Variants in KLC1 observed in about 807,000 individuals in gnomAD.
KLC1 encodes kinesin light chain 1, also known as kinesin 2 60/70kDa.
A neutral mutation model predicts 84.2 loss-of-function variants in KLC1; 30 were observed. The observed-to-expected ratio is 0.36, with a 90% CI of 0.27 to 0.48. The LOEUF is 0.48. KLC1 is among the 20% of genes least tolerant of loss of function. The probability of loss-of-function intolerance (pLI) is 0.99; values close to 1 mark genes in which losing one functional copy is unlikely to be tolerated. For synonymous variants in KLC1, 289 were observed against 293.3 expected, an observed-to-expected ratio of 0.99 and a Z score of 0.15; for missense variants, 499 against 805.4, an observed-to-expected ratio of 0.62 and a Z score of 4.60.
chr14:103,701,275 G>A lies in KLC1; in HGVS notation c.*76G>A, dbSNP rs2083178760. On this transcript the variant is annotated 3_prime_UTR_variant, in exon 17 of 17. Transcript: ENST00000334553. Reference sequence around the variant, plus strand: ...GAGCTGGCCCGGGACAGCCAGGGCGGCAGGGAGGGCCCCTGGCCGGGAGCC... The same window carrying A: ...GAGCTGGCCCGGGACAGCCAGGGCGACAGGGAGGGCCCCTGGCCGGGAGCC... 1 of 1,495,768 alleles carries A rather than the reference G, an allele frequency of 6.7e-7. No homozygotes were observed. The highest frequency in any genetic ancestry group is 1.4e-5 in the African/African-American group (1 of 72,210). The allele number at this position is 1,495,768 out of a possible 1,614,324, so 92.7% of individuals were successfully genotyped here. A position where few individuals can be genotyped will look rare whatever the true frequency, so the allele number is the denominator to read the frequency against.
In KLC1 at chr14:103,651,158, C is replaced by T. The variant is rs188768000; in HGVS notation, c.-1-3406C>T. ...CATAATAGCTGGGATTACAGGTGTG[C>T]ACCACCACGCCCGGCTAATTTTTTG... On this transcript the variant is annotated intron_variant, in intron 1 of 16. Transcript: ENST00000334553. Among the ~76,000 whole-genome samples, 62 of 151,746 alleles carry T rather than the reference C, an allele frequency of 4.1e-4. No homozygotes were observed. In the East Asian group the frequency reaches 0.01, roughly 25 times the overall value.
chr14:103,637,635 A>G (rs1262543775), intron 1 of KLC1, among the ~76,000 whole-genome samples: 1 of 152,160 alleles, frequency 6.6e-6, no homozygotes, highest in Admixed American at 6.6e-5. Flanking sequence ...TCTATAAATA[A>G]GTCACCCAAA....
intron 1 of KLC1, among the ~76,000 whole-genome samples, chr14:103,640,655 C>T (rs569973116): frequency 2.2e-4 from 33 of 152,228 alleles, no homozygotes; most frequent in African/African-American, 7.9e-4. Flanking sequence ...CCACCGCGCC[C>T]GGCCCTGTGA....
At chr14:103,680,507 G>A (rs1754287648) in intron 13 of KLC1, among the ~76,000 whole-genome samples, 1 of 152,084 alleles carries the variant, frequency 6.6e-6, no homozygotes, top group South Asian at 2.1e-4. Flanking sequence ...TAGCAATTTG[G>A]TAGGAGCTAG....
intron 15 of KLC1, chr14:103,699,784 A>C: frequency 3.3e-6 from 2 of 609,326 alleles, no homozygotes; most frequent in Non-Finnish European, 5.9e-6. Context: ...GGCTCACACA[A>C]CTGGTTCCCT....
At position 103,671,418 on chromosome 14, in the gene KLC1, G is replaced by A. The variant is rs562766775; in HGVS notation, c.987+1135G>A. 8.5e-4 allele frequency among the ~76,000 whole-genome samples: 129 copies of A among 152,036 alleles called. 1 individual carries two copies. Among genetic ancestry groups the A allele is most frequent in the African/African-American group, 3.0e-3 (126 of 41,408 alleles). On this transcript the variant is annotated intron_variant, in intron 7 of 16. Transcript: ENST00000334553. ...GGAGTCTTGCTGTGTCGCCCAGGCT[G>A]GAGTGCAGTGGCACGATCTCGGCTC...
intron 3 of KLC1, among the ~76,000 whole-genome samples, chr14:103,658,619 T>C (rs2079019741): frequency 6.6e-6 from 1 of 151,092 alleles, no homozygotes; most frequent in African/African-American, 2.4e-5. Flanking sequence ...CTAGTCTCAG[T>C]TATTTTTCAT....
At chr14:103,689,835 CT>C (rs1395111141) in intron 14 of KLC1, among the ~76,000 whole-genome samples, 1 of 152,162 alleles carries the variant, frequency 6.6e-6, no homozygotes, top group African/African-American at 2.4e-5. Flanking sequence ...TCGAGTTGTT[CT>C]TTCGTTTCGT....
chr14:103,691,681 C>T (rs1173810606), intron 14 of KLC1, among the ~76,000 whole-genome samples: 1 of 151,868 alleles, frequency 6.6e-6, no homozygotes, highest in African/African-American at 2.4e-5. Flanking sequence ...GTTGCTCAGG[C>T]TGGTCTCAAA....
At chr14:103,683,959 C>G (rs1370202642) in intron 13 of KLC1, 1 of 152,196 alleles carries the variant, frequency 6.6e-6, no homozygotes, top group Non-Finnish European at 1.5e-5. Context: ...GGGTGGATCA[C>G]TTGAGGCCAG....
rs17101767 is a variant in KLC1, at chr14:103,694,209, G to A, written c.1848+1784G>A. 4.5e-3 allele frequency: 4,396 copies of A among 984,720 alleles called. 129 individuals are homozygous for A. The African/African-American group carries it at 0.063, about 14-fold the overall frequency. The allele number at this position is 984,720 out of a possible 1,614,324, so 61.0% of individuals were successfully genotyped here. A position where few individuals can be genotyped will look rare whatever the true frequency, so the allele number is the denominator to read the frequency against. On this transcript the variant is annotated intron_variant, in intron 15 of 16. Transcript: ENST00000334553. The surrounding 1 kb of genome is among the most constrained non-coding windows in gnomAD (Gnocchi z 4.5). The stretch of plus-strand genomic sequence containing the variant: ...GCCCCCTTTTGAGCTGTGTTCTCCC[G>A]GACGCCCCTGCACACGAAGCCCATA...
intron 7 of KLC1, 150 bp from the exon 8 acceptor site, chr14:103,672,863 AC>A (rs776754427): frequency 3.9e-5 from 26 of 658,732 alleles, no homozygotes; most frequent in Non-Finnish European, 5.9e-5. Context: ...TTTTATTACT[AC>A]GTGGTGTAGC....
In KLC1 at chr14:103,662,757, C is replaced by G; in HGVS notation, c.627C>G (p.Ile209Met). 6.2e-7 allele frequency: 1 copy of G among 1,611,044 alleles called. No individual in the cohort carries two copies. The highest frequency in any genetic ancestry group is 8.5e-7 in the Non-Finnish European group (1 of 1,178,936). Residue 209 changes from isoleucine to methionine, a missense_variant, in exon 5 of 17, where the codon ATC becomes ATG. By Grantham distance (10) the Ile-to-Met change is conservative. Coordinates refer to ENST00000334553, the MANE Select transcript of KLC1 (RefSeq NM_001394837.1). ...AAAAQQGGYE[I>M]PARLRTLHNL... ...CTGCCCAGCAGGGCGGCTACGAGAT[C>G]CCCGCGCGGCTGCGGACGCTCCACA...
chr14:103,657,885 AT>A, intron 3 of KLC1, 109 bp downstream of exon 3: 1 of 790,078 alleles, frequency 1.3e-6, no homozygotes, highest in Non-Finnish European at 2.0e-6. Context: ...ATATTAGAAC[AT>A]TAGAACATGC....
intron 1 of KLC1, among the ~76,000 whole-genome samples, chr14:103,643,438 C>G (rs1381836091): frequency 6.6e-6 from 1 of 152,118 alleles, no homozygotes; most frequent in Non-Finnish European, 1.5e-5. Flanking sequence ...GGCACGTGCC[C>G]TTGATAGAAT....
chr14:103,660,313 T>G (rs1056083641), intron 3 of KLC1, among the ~76,000 whole-genome samples: 2 of 151,640 alleles, frequency 1.3e-5, no homozygotes, highest in African/African-American at 4.9e-5. Flanking sequence ...AAACCCTATC[T>G]CTACTAAAAA....
At chr14:103,699,296 A>T in intron 15 of KLC1, 1 of 1,546,056 alleles carries the variant, frequency 6.5e-7, no homozygotes, top group Non-Finnish European at 8.7e-7. Flanking sequence ...CCACCTCCAG[A>T]CCGGCTCTGC....
chr14:103,684,296 A>G (rs1418916185), intron 13 of KLC1, among the ~76,000 whole-genome samples: 1 of 152,366 alleles, frequency 6.6e-6, no homozygotes, highest in South Asian at 2.1e-4. Context: ...AACTGTGAAC[A>G]CATTATCCTA....
intron 5 of KLC1, among the ~76,000 whole-genome samples, chr14:103,668,939 G>A (rs371453572): frequency 6.7e-6 from 1 of 149,280 alleles, no homozygotes; most frequent in Non-Finnish European, 1.5e-5. Context: ...TACCACACCC[G>A]GCTAATTTTT....
Sources: gnomAD v4.1 joint callset for allele counts (sites outside exome capture counted in the v4.1 genomes callset) on GRCh38, gnomAD v4.1.1 for gene constraint, Gnocchi (gnomAD v3.1) non-coding constraint, MANE v1.5 for transcripts, NCBI Gene and HGNC (gene_info 2026-07-23, HGNC 2026-07-21) for gene names.